The following PADI6 variants were observed in gnomAD, a reference collection of about 807,000 sequenced individuals.
PADI6 encodes the protein peptidyl arginine deiminase 6, also known as inactive protein-arginine deiminase type-6.
PADI6 carries 66 observed loss-of-function variants against 78.2 expected under a neutral mutation model. The observed-to-expected ratio is 0.84, with a 90% CI of 0.69 to 1.04. The LOEUF (loss-of-function observed/expected upper bound fraction) is 1.04, where lower values mean the gene tolerates loss of function less well. Among genes scored for constraint, PADI6 ranks in the 50% least tolerant of loss-of-function variants. The pLI, the probability that PADI6 is intolerant of heterozygous loss-of-function variation, is 0.00. For missense variants in PADI6, 854 were observed against 866.1 expected, an observed-to-expected ratio of 0.99 and a Z score of 0.18; for synonymous variants, 397 against 346.9, an observed-to-expected ratio of 1.14 and a Z score of -1.60.
chr1:17,378,955 T>TGG (rs200989865), intron 3 of PADI6, among the ~76,000 whole-genome samples: 5,556 of 136,502 alleles, frequency 0.041, 139 homozygotes, highest in Non-Finnish European at 0.053. Flanking sequence ...GAATTTTTTT[T>TGG]GGGGGGGGGG....
chr1:17,392,881 C>T (rs977802699), intron 9 of PADI6, among the ~76,000 whole-genome samples: 1 of 152,146 alleles, frequency 6.6e-6, no homozygotes, highest in Non-Finnish European at 1.5e-5. Flanking sequence ...TGGCCGGGTG[C>T]AGTGGCTCAA....
chr1:17,381,104 C>A lies in PADI6; in HGVS notation c.493C>A (p.Pro165Thr). The A allele has an allele frequency of 1.2e-6, 2 of 1,610,180 alleles. No homozygotes were observed. Among genetic ancestry groups the A allele is most frequent in the East Asian group, 2.2e-5 (1 of 44,778 alleles). Residue 165 changes from proline (P) to threonine (T), a missense_variant, in exon 5 of 16, where the codon CCT (proline) becomes ACT (threonine). Physicochemically the swap from Pro to Thr is conservative, Grantham distance 38. Transcript: ENST00000619609. ...TGCCATCCTGCTTGTGAATTGCAAC[C>A]CTGCTGATGTGGGCCAGCAACTTGA... ...WGAILLVNCN[P>T]ADVGQQLEDK...
rs1168109734 is a variant in PADI6 at position 17,379,413 on chromosome 1, C to T, written c.368-507C>T. 1.0e-4 allele frequency among the ~76,000 whole-genome samples: 15 copies of T among 144,090 alleles called. 1 individual carries two copies. The highest frequency in any genetic ancestry group is 2.6e-4 in the African/African-American group (9 of 33,988). The allele number at this position is 144,090 out of a possible 152,430, so 94.5% of individuals were successfully genotyped here. A position where few individuals can be genotyped will look rare whatever the true frequency, so the allele number is the denominator to read the frequency against. ...ACAGGCGTGAGCCATCGCGCCCGGC[C>T]GCCCAGTTAATTTTTGTATCTTTAG... On this transcript the variant is annotated intron_variant, in intron 3 of 15. Transcript: ENST00000619609.
chr1:17,396,203 T>C (rs905119034), intron 13 of PADI6, among the ~76,000 whole-genome samples: 1 of 152,090 alleles, frequency 6.6e-6, no homozygotes, highest in Non-Finnish European at 1.5e-5. Flanking sequence ...CTGGCCAACA[T>C]GACGAAAGCC....
At position 17,397,229 on chromosome 1, in the gene PADI6, G is replaced by A. The variant is rs1553154324; in HGVS notation, c.1689+88G>A. 5.5e-5 allele frequency: 80 copies of A among 1,466,598 alleles called. No homozygotes were observed. The South Asian group carries it at 7.4e-4, about 14-fold the overall frequency. 90.8% of individuals were successfully genotyped at this position (1,466,598 alleles called of 1,614,324 possible). A position where few individuals can be genotyped will look rare whatever the true frequency, so the allele number is the denominator to read the frequency against. On this transcript the variant is annotated intron_variant, in intron 14 of 15. Transcript: ENST00000619609. ...GGTTTCCACCCACCCCTCCTGAGGG[G>A]TGAAGTGTTGGGCGGCGGGGGGCAG...
intron 3 of PADI6, among the ~76,000 whole-genome samples, chr1:17,376,642 C>T (rs1013473182): frequency 3.3e-5 from 5 of 151,908 alleles, no homozygotes; most frequent in African/African-American, 1.2e-4. Context: ...TCGTGATCCG[C>T]CCACCTCAGC....
intron 10 of PADI6, 37 bp downstream of exon 10, chr1:17,394,119 A>C (rs10458537): frequency 0.64 from 1,019,352 of 1,592,328 alleles, 328,146 homozygotes; most frequent in South Asian, 0.67. Context: ...AGCTCAGTCC[A>C]ATCTCTCAGG....
At chr1:17,379,858 A>G in intron 3 of PADI6, 62 bp from the exon 4 acceptor site, 1 of 1,481,114 alleles carries the variant, frequency 6.8e-7, no homozygotes, top group South Asian at 1.1e-5. Context: ...GAGATAACCT[A>G]TAACTTTGAG....
intron 15 of PADI6, 35 bp downstream of exon 15, chr1:17,398,882 G>C (rs1168166403): frequency 1.2e-6 from 2 of 1,602,324 alleles, no homozygotes; most frequent in Non-Finnish European, 1.7e-6. Flanking sequence ...GGTGGGGGAG[G>C]GCCTGTCCAG....
rs1570157191 is a variant in PADI6, at chr1:17,401,141, T to G, written c.1852-64T>G. 394 of 1,485,716 alleles carry G rather than the reference T, an allele frequency of 2.7e-4. 1 individual carries two copies. Among genetic ancestry groups the G allele is most frequent in the East Asian group, 2.3e-4 (10 of 43,628 alleles). 92.0% of individuals were successfully genotyped at this position (1,485,716 alleles called of 1,614,324 possible). On this transcript the variant is annotated intron_variant, in intron 15 of 15. Transcript: ENST00000619609. The stretch of plus-strand genomic sequence containing the variant: ...CCTGGTCTGACCGCAGAGAGGCAGG[T>G]GGGCGGCTGGCTTTCAGGCCTCTGA...
In PADI6 at chr1:17,376,950, G is replaced by A. The variant is rs139740858; in HGVS notation, c.367+1451G>A. ...AAGCTGAACTGGAGTGAAGAGACAC[G>A]ATCATGGCTCATTGCAGCCTCAAAC... is the stretch of plus-strand genomic sequence containing the variant. On this transcript the variant is annotated intron_variant, in intron 3 of 15. Transcript: ENST00000619609. Among the ~76,000 whole-genome samples the A allele has an allele frequency of 1.2e-3, 185 of 152,188 alleles. 3 individuals are homozygous for A. The highest frequency in any genetic ancestry group is 4.1e-3 in the African/African-American group (170 of 41,530).
intron 6 of PADI6, among the ~76,000 whole-genome samples, chr1:17,383,533 A>ACT (rs1022278503): frequency 6.6e-5 from 10 of 152,230 alleles, no homozygotes; most frequent in African/African-American, 2.4e-4. Context: ...ATCATAGCGA[A>ACT]CTACCGGTTT....
At chr1:17,390,657 G>A (rs1352542099) in intron 8 of PADI6, among the ~76,000 whole-genome samples, 1 of 151,530 alleles carries the variant, frequency 6.6e-6, no homozygotes, top group Non-Finnish European at 1.5e-5. Context: ...GTAGAAGCCA[G>A]ACAGCTTTTC....
chr1:17,399,835 C>T (rs547044807), intron 15 of PADI6, among the ~76,000 whole-genome samples: 2 of 151,854 alleles, frequency 1.3e-5, no homozygotes, highest in East Asian at 1.9e-4. Context: ...GTCTGAAGTT[C>T]GAGATCAGCC....
At chr1:17,379,111 ATTTTT>A (rs144547124) in intron 3 of PADI6, among the ~76,000 whole-genome samples, 2 of 100,844 alleles carry the variant, frequency 2.0e-5, no homozygotes. Context: ...TGCCCAGTTA[ATTTTT>A]TTTTTTTTTT....
chr1:17,390,174 C>A (rs1193135123), intron 8 of PADI6, among the ~76,000 whole-genome samples: 4 of 151,572 alleles, frequency 2.6e-5, no homozygotes, highest in Admixed American at 2.6e-4. Flanking sequence ...GTAGTGCATG[C>A]CTGTAGTCCC....
chr1:17,398,772 C>T lies in PADI6; in HGVS notation c.1776C>T (p.Cys592=), dbSNP rs1436073521. 3.7e-6 allele frequency: 6 copies of T among 1,611,540 alleles called. No homozygotes were observed. The highest frequency in any genetic ancestry group is 5.1e-6 in the Non-Finnish European group (6 of 1,179,374). The part of the protein sequence containing the change: ...QDIIEIPQLF[C]LEKLTNIPSD... ...TCATCGAGATTCCCCAGCTGTTCTG[C>T]TTGGAGAAGCTGACTAACATCCCCT... is the stretch of plus-strand genomic sequence containing the variant. The change falls in exon 15 of 16, where the codon TGC becomes TGT. Residue 592 remains cysteine (C), a synonymous_variant. Transcript: ENST00000619609.
chr1:17,395,698 G>C lies in PADI6; in HGVS notation c.1618+35G>C, dbSNP rs775336538. 8 of 1,580,112 alleles carry C rather than the reference G, an allele frequency of 5.1e-6. No individual in the cohort carries two copies. In the Admixed American group the frequency reaches 6.9e-5, roughly 14 times the overall value. On this transcript the variant is annotated intron_variant, in intron 13 of 15. Coordinates refer to ENST00000619609, the MANE Select transcript of PADI6 (RefSeq NM_207421.4). ...CTCCCTTTCCACAGAACAGAACTGG[G>C]GTCTTCCTTTTTCCAGGGGTCCTTT...
At chr1:17,376,074 A>G (rs1387336910) in intron 3 of PADI6, among the ~76,000 whole-genome samples, 1 of 151,846 alleles carries the variant, frequency 6.6e-6, no homozygotes, top group Non-Finnish European at 1.5e-5. Flanking sequence ...TCCCAGGTTC[A>G]AGTGATTCTC....
Sources: allele counts gnomAD v4.1 joint callset (sites outside exome capture counted in the v4.1 genomes callset), GRCh38; gene constraint gnomAD v4.1.1; transcripts MANE v1.5; gene names NCBI Gene and HGNC (gene_info 2026-07-23, HGNC 2026-07-21).